Variants in FBXO16 observed in about 807,000 individuals in gnomAD.
FBXO16 encodes the protein F-box protein 16.
Under a neutral mutation model 41.0 loss-of-function variants are expected in FBXO16, and 31 were observed. The observed-to-expected ratio is 0.76, with a 90% confidence interval of 0.57 to 1.02. The LOEUF (loss-of-function observed/expected upper bound fraction) is 1.02. FBXO16 is among the 50% of genes least tolerant of loss of function. The pLI, the probability that FBXO16 is intolerant of heterozygous loss-of-function variation, is 0.00. For missense variants in FBXO16, 361 were observed against 346.2 expected (o/e 1.04, Z -0.34); for synonymous variants, 133 against 117.8 (o/e 1.13, Z -0.84).
intron 2 of FBXO16, among the ~76,000 whole-genome samples, chr8:28,480,464 G>A (rs1803492907): frequency 6.6e-6 from 1 of 151,974 alleles, no homozygotes; most frequent in Non-Finnish European, 1.5e-5. Flanking sequence ...GAGTAGACCT[G>A]AACTCTGATT....
At chr8:28,429,542 A>G (rs1239311814) in intron 7 of FBXO16, 139 bp from the exon 8 acceptor site, 2 of 908,532 alleles carry the variant, frequency 2.2e-6, no homozygotes, top group African/African-American at 3.3e-5. Flanking sequence ...GGAGAGACCT[A>G]AGAGGATTGG....
Position 28,447,204 on chromosome 8 carries a change from C to A in FBXO16, c.810G>T (p.Gln270His). Residue 270 changes from glutamine to histidine, a missense_variant, in exon 7 of 9, where the codon CAG becomes CAT. Coordinates refer to ENST00000380254, the MANE Select transcript of FBXO16 (RefSeq NM_172366.4). ...RQSHDKKNKL[Q>H]DRTRLRKAQS... ...GTGCTTTTCTTAGCCTAGTTCTGTCCTGCAATTTATTTTTCTTATCATGTG... is the reference window on the plus strand; with the variant it reads ...GTGCTTTTCTTAGCCTAGTTCTGTCATGCAATTTATTTTTCTTATCATGTG... 6.2e-7 allele frequency: 1 copy of A among 1,613,856 alleles called. No individual in the cohort carries two copies. The highest frequency in any genetic ancestry group is 8.5e-7 in the Non-Finnish European group (1 of 1,179,974).
chr8:28,475,399 C>T (rs982026995), intron 2 of FBXO16, among the ~76,000 whole-genome samples: 3 of 152,284 alleles, frequency 2.0e-5, no homozygotes, highest in African/African-American at 7.2e-5. Context: ...AAAGACCCTC[C>T]CCTGCAGCTA....
At chr8:28,439,602 G>A (rs1802735070) in intron 7 of FBXO16, among the ~76,000 whole-genome samples, 1 of 151,984 alleles carries the variant, frequency 6.6e-6, no homozygotes, top group South Asian at 2.1e-4. Context: ...ACCACAATTA[G>A]CCAGACTTGG....
chr8:28,469,126 T>G (rs1803291034), intron 3 of FBXO16, among the ~76,000 whole-genome samples: 1 of 151,516 alleles, frequency 6.6e-6, no homozygotes, highest in South Asian at 2.1e-4. Flanking sequence ...CTGACCAACA[T>G]GGAGAAACCC....
At chr8:28,469,092 T>C (rs1256951821) in intron 3 of FBXO16, among the ~76,000 whole-genome samples, 2 of 152,012 alleles carry the variant, frequency 1.3e-5, no homozygotes, top group Admixed American at 6.5e-5. Flanking sequence ...GCGGATCACC[T>C]GAGGTCAGGA....
At chr8:28,441,374 A>G (rs1283884288) in intron 7 of FBXO16, among the ~76,000 whole-genome samples, 1 of 152,184 alleles carries the variant, frequency 6.6e-6, no homozygotes, top group Non-Finnish European at 1.5e-5. Context: ...CTATGAGTTT[A>G]GCAAAGTCTC....
intron 3 of FBXO16, among the ~76,000 whole-genome samples, chr8:28,468,117 C>A (rs1383869919): frequency 6.6e-6 from 1 of 152,140 alleles, no homozygotes; most frequent in Non-Finnish European, 1.5e-5. Context: ...ACGTCTCTTG[C>A]GTCACCTCTC....
At chr8:28,484,382 T>A (rs1040884042) in intron 1 of FBXO16, among the ~76,000 whole-genome samples, 1 of 152,184 alleles carries the variant, frequency 6.6e-6, no homozygotes, top group African/African-American at 2.4e-5. Flanking sequence ...TGGGGGAAAC[T>A]TGCTATTTTT....
At chr8:28,438,862 G>A (rs981122708) in intron 7 of FBXO16, among the ~76,000 whole-genome samples, 2 of 152,018 alleles carry the variant, frequency 1.3e-5, no homozygotes, top group Admixed American at 6.6e-5. Context: ...CACTTTGGGA[G>A]GCTGAGGCAA....
At chr8:28,466,628 TA>T (rs59386196) in intron 3 of FBXO16, among the ~76,000 whole-genome samples, 35,205 of 138,484 alleles carry the variant, frequency 0.25, 4,748 homozygotes, top group East Asian at 0.4. Flanking sequence ...CATCTCTACT[TA>T]AAAAAAAAAA....
Position 28,483,512 on chromosome 8 carries a change from T to C in FBXO16, c.-16-50A>G, listed in dbSNP as rs1803550479. 5 of 1,392,808 alleles carry C rather than the reference T, an allele frequency of 3.6e-6. No individual in the cohort carries two copies. The East Asian group carries it at 9.2e-5, about 26-fold the overall frequency. The allele number at this position is 1,392,808 out of a possible 1,614,324, so 86.3% of individuals were successfully genotyped here. On this transcript the variant is annotated intron_variant, in intron 1 of 8. Coordinates refer to ENST00000380254, the MANE Select transcript of FBXO16 (RefSeq NM_172366.4). Reference sequence around the variant, plus strand: ...TCAGAAGAAGTGAATCATATAACCCTCAGAAAACAAAAATTACTAATACCA... The same window carrying C: ...TCAGAAGAAGTGAATCATATAACCCCCAGAAAACAAAAATTACTAATACCA...
intron 2 of FBXO16, among the ~76,000 whole-genome samples, chr8:28,481,974 T>A (rs1803520466): frequency 6.6e-6 from 1 of 152,176 alleles, no homozygotes; most frequent in Non-Finnish European, 1.5e-5. Context: ...GTGGATGCCC[T>A]GGGCTCACTG....
At chr8:28,441,076 T>C (rs1802764816) in intron 7 of FBXO16, among the ~76,000 whole-genome samples, 1 of 152,154 alleles carries the variant, frequency 6.6e-6, no homozygotes, top group Non-Finnish European at 1.5e-5. Context: ...TGGAGTAGAA[T>C]TTACTGCAGA....
intron 7 of FBXO16, among the ~76,000 whole-genome samples, chr8:28,432,921 C>T (rs548036666): frequency 3.3e-5 from 5 of 151,912 alleles, no homozygotes; most frequent in Non-Finnish European, 5.9e-5. Context: ...TTTAGCGGGG[C>T]GTGGTGGTGC....
rs138522609 is a variant in FBXO16, at chr8:28,452,402, G to A, written c.582C>T (p.Ser194=). The part of the protein sequence containing the change: ...VTSNSPEEKQ[S]PLSAFRSSSS... ...AAGAGGACCGAAAAGCTGATAAAGG[G>A]GACTGTTTTTCCTCTGGAGAATTGC... The change falls in exon 6 of 9, where the codon TCC becomes TCT. Residue 194 remains serine (S), a synonymous_variant. Transcript: ENST00000380254. 9 of 1,614,040 alleles carry A rather than the reference G, an allele frequency of 5.6e-6. No homozygotes were observed. In the African/African-American group the frequency reaches 1.2e-4, roughly 22 times the overall value.
chr8:28,459,991 A>G (rs1009597124), intron 4 of FBXO16, among the ~76,000 whole-genome samples: 1 of 151,866 alleles, frequency 6.6e-6, no homozygotes, highest in South Asian at 2.1e-4. Flanking sequence ...GTGCCACTGC[A>G]CTCCAGCCTG....
chr8:28,484,874 G>A (rs181133107), intron 1 of FBXO16, among the ~76,000 whole-genome samples: 129 of 151,046 alleles, frequency 8.5e-4, no homozygotes, highest in African/African-American at 2.8e-3. Context: ...GATTACAGGC[G>A]TGAGCCACCG....
intron 2 of FBXO16, among the ~76,000 whole-genome samples, chr8:28,479,447 C>T (rs1261705933): frequency 6.6e-6 from 1 of 152,220 alleles, no homozygotes; most frequent in East Asian, 1.9e-4. Flanking sequence ...AGACACTTTT[C>T]TTCTCCACAG....
Sources: gnomAD v4.1 joint callset for allele counts (sites outside exome capture counted in the v4.1 genomes callset) on GRCh38, gnomAD v4.1.1 for gene constraint, MANE v1.5 for transcripts, NCBI Gene and HGNC (gene_info 2026-07-23, HGNC 2026-07-21) for gene names.